The following PSD3 variants were observed in gnomAD, a reference collection of about 807,000 sequenced individuals.
The protein encoded by PSD3 is pleckstrin and Sec7 domain containing 3, also known as PH and SEC7 domain-containing protein 3.
A neutral mutation model predicts 105.5 loss-of-function variants in PSD3; 49 were observed. The ratio of observed to expected loss-of-function variants is 0.46; its 90% CI spans 0.37 to 0.59. PSD3 has a LOEUF of 0.59. PSD3 is among the 20% of genes least tolerant of loss of function. PSD3 has a pLI of 0.00. For missense variants in PSD3, 1,561 were observed against 1,263.8 expected (o/e 1.24, Z -3.57); for synonymous variants, 557 against 457.8 (o/e 1.22, Z -2.77).
chr8:18,960,389 T>C (rs1823841541), intron 1 of PSD3, among the ~76,000 whole-genome samples: 1 of 152,118 alleles, frequency 6.6e-6, no homozygotes, highest in Admixed American at 6.5e-5. Flanking sequence ...ACAAGAGAAA[T>C]GGCAATAAAG....
At chr8:18,919,296 T>C (rs1407844718) in intron 2 of PSD3, among the ~76,000 whole-genome samples, 1 of 151,980 alleles carries the variant, frequency 6.6e-6, no homozygotes. Flanking sequence ...ATCTCAGAAA[T>C]CTCTTAGCAT....
intron 8 of PSD3, among the ~76,000 whole-genome samples, chr8:18,774,339 C>T (rs1442925091): frequency 1.3e-5 from 2 of 152,132 alleles, no homozygotes; most frequent in Non-Finnish European, 2.9e-5. Flanking sequence ...AAAGAGACAT[C>T]CATCTCCCCA....
chr8:18,872,747 A>C lies in PSD3; in HGVS notation c.131-14T>G, dbSNP rs1276925654. On this transcript the variant is annotated splice_polypyrimidine_tract_variant and intron_variant, in intron 2 of 15. Coordinates refer to ENST00000327040, the MANE Select transcript of PSD3 (RefSeq NM_015310.4). ...CTCCATGATCACCTGTGAAGAGAAC[A>C]CAATGGACATATGACTTGTTGTAGA... 2.0e-6 allele frequency: 3 copies of C among 1,528,636 alleles called. No homozygotes were observed. The highest frequency in any genetic ancestry group is 8.8e-7 in the Non-Finnish European group (1 of 1,139,480). 94.7% of individuals were successfully genotyped at this position (1,528,636 alleles called of 1,614,324 possible).
intron 15 of PSD3, among the ~76,000 whole-genome samples, chr8:18,551,442 A>G (rs2130089334): frequency 6.6e-6 from 1 of 152,336 alleles, no homozygotes; most frequent in Non-Finnish European, 1.5e-5. Flanking sequence ...TCAATTTTGG[A>G]AGGAATCATG....
At chr8:18,890,663 A>C (rs2129459558) in intron 2 of PSD3, among the ~76,000 whole-genome samples, 1 of 152,304 alleles carries the variant, frequency 6.6e-6, no homozygotes, top group East Asian at 1.9e-4. Flanking sequence ...ATAAAGAGGT[A>C]ATTACAAGTC....
chr8:19,046,313 TATTGG>T (rs1445221945), intron 1 of PSD3, among the ~76,000 whole-genome samples: 8 of 152,286 alleles, frequency 5.3e-5, no homozygotes, highest in Middle Eastern at 3.4e-3. Context: ...GGTTTCACCA[TATTGG>T]CCAGGATAGT....
chr8:18,568,317 T>C (rs1055920841), intron 14 of PSD3, among the ~76,000 whole-genome samples: 37 of 152,096 alleles, frequency 2.4e-4, no homozygotes, highest in Non-Finnish European at 4.0e-4. Context: ...ATTCTCCCTG[T>C]TTGTATTAAA....
chr8:18,752,505 TATATA>T lies in PSD3; in HGVS notation c.2172+12939_2172+12943del, dbSNP rs1218362239. Among the ~76,000 whole-genome samples the T allele has an allele frequency of 9.5e-5, 7 of 74,022 alleles. No homozygotes were observed. The East Asian group carries it at 1.8e-3, about 19-fold the overall frequency. The allele number at this position is 74,022 out of a possible 152,430, so 48.6% of individuals were successfully genotyped here. ...TATTATATATATAATATATATAATA[TATATA>T]ATATATGTAATATATATAATTATAT... On this transcript the variant is annotated intron_variant, in intron 9 of 15. Coordinates refer to ENST00000327040, the MANE Select transcript of PSD3 (RefSeq NM_015310.4).
intron 1 of PSD3, among the ~76,000 whole-genome samples, chr8:18,957,730 G>A (rs543119431): frequency 2.0e-5 from 3 of 152,154 alleles, no homozygotes; most frequent in Admixed American, 6.5e-5. Flanking sequence ...AGCAGTTTCC[G>A]AGGTTCTTAT....
chr8:18,793,324 C>T (rs335256), intron 8 of PSD3, among the ~76,000 whole-genome samples: 64,132 of 129,706 alleles, frequency 0.49, 14,228 homozygotes, highest in African/African-American at 0.58. Context: ...AGTATAATAA[C>T]AAAATAAAAT....
intron 2 of PSD3, among the ~76,000 whole-genome samples, chr8:18,928,135 C>T (rs531231502): frequency 5.3e-5 from 8 of 152,192 alleles, no homozygotes; most frequent in Non-Finnish European, 1.2e-4. Flanking sequence ...CAAATCTCAC[C>T]TGGAATTGTA....
chr8:18,704,276 G>A (rs1224822057), intron 9 of PSD3, among the ~76,000 whole-genome samples: 2 of 152,124 alleles, frequency 1.3e-5, no homozygotes, highest in East Asian at 3.9e-4. Flanking sequence ...CCCTTTACTA[G>A]AGGACCAGTT....
chr8:19,023,645 C>T (rs1827440390), intron 1 of PSD3, among the ~76,000 whole-genome samples: 1 of 152,044 alleles, frequency 6.6e-6, no homozygotes, highest in Non-Finnish European at 1.5e-5. Flanking sequence ...CTATGTTGCC[C>T]AGGCTGGTCT....
intron 1 of PSD3, among the ~76,000 whole-genome samples, chr8:18,983,876 T>C (rs4284071): frequency 1 from 151,363 of 151,908 alleles, 75,412 homozygotes; most frequent in Middle Eastern, 1. Context: ...TGGTGGCATG[T>C]GCTGTAGTCC....
chr8:18,602,330 C>G (rs2717735), intron 11 of PSD3, among the ~76,000 whole-genome samples: 2,700 of 152,160 alleles, frequency 0.018, 92 homozygotes, highest in African/African-American at 0.061. Flanking sequence ...GCTCTCCAAG[C>G]GAAATGTGAT....
chr8:18,949,845 C>A (rs987343917), intron 1 of PSD3, among the ~76,000 whole-genome samples: 3 of 150,162 alleles, frequency 2.0e-5, no homozygotes, highest in African/African-American at 7.4e-5. Flanking sequence ...AGACGAATAA[C>A]ACTATCTCTC....
At chr8:18,696,222 A>G (rs1454881304) in intron 9 of PSD3, among the ~76,000 whole-genome samples, 2 of 152,198 alleles carry the variant, frequency 1.3e-5, no homozygotes, top group Admixed American at 6.5e-5. Flanking sequence ...TCTCTGCCCA[A>G]TCCTGCTTCC....
chr8:18,593,184 G>A (rs1803740349), intron 12 of PSD3, among the ~76,000 whole-genome samples: 1 of 152,052 alleles, frequency 6.6e-6, no homozygotes, highest in African/African-American at 2.4e-5. Flanking sequence ...GAGTGAACAC[G>A]CAACCTACAG....
At chr8:18,819,617 C>T (rs1812518930) in intron 4 of PSD3, among the ~76,000 whole-genome samples, 2 of 123,306 alleles carry the variant, frequency 1.6e-5, no homozygotes, top group Non-Finnish European at 3.2e-5. Context: ...CTCACTCTGT[C>T]GCTCAGGCTG....
Sources: gnomAD v4.1 joint callset for allele counts (sites outside exome capture counted in the v4.1 genomes callset) on GRCh38, gnomAD v4.1.1 for gene constraint, MANE v1.5 for transcripts, NCBI Gene and HGNC (gene_info 2026-07-23, HGNC 2026-07-21) for gene names.